AGBL1: variants seen among roughly 807,000 people sequenced by gnomAD.
AGBL1 encodes cytosolic carboxypeptidase 4.
A neutral mutation model predicts 118.9 loss-of-function variants in AGBL1; 130 were observed. That is an observed-to-expected ratio of 1.09 (90% CI 0.95 to 1.26). The LOEUF is 1.26. Ranked by LOEUF, AGBL1 falls within the 50% of genes most tolerant of loss-of-function variation. AGBL1 has a pLI of 0.00. For missense variants in AGBL1, 1,584 were observed against 1,298.1 expected (o/e 1.22, Z -3.38); for synonymous variants, 555 against 478.9 (o/e 1.16, Z -2.08).
At chr15:86,122,890 C>T (rs773493925) in intron 1 of AGBL1, among the ~76,000 whole-genome samples, 2 of 152,148 alleles carry the variant, frequency 1.3e-5, no homozygotes, top group African/African-American at 4.8e-5. Context: ...TAAAACAGAG[C>T]TCTTAAGACT....
chr15:86,858,811 T>A (rs1191078630), intron 22 of AGBL1, among the ~76,000 whole-genome samples: 1 of 152,116 alleles, frequency 6.6e-6, no homozygotes, highest in Non-Finnish European at 1.5e-5. Flanking sequence ...ATTAAGGTGG[T>A]CTAGATAGGT....
intron 17 of AGBL1, among the ~76,000 whole-genome samples, chr15:86,357,566 A>G (rs1196042890): frequency 6.6e-6 from 1 of 152,156 alleles, no homozygotes; most frequent in South Asian, 2.1e-4. Context: ...CCTTGTGGTT[A>G]GCAAAGTCTA....
intron 13 of AGBL1, among the ~76,000 whole-genome samples, chr15:86,267,734 C>G (rs893565511): frequency 1.3e-5 from 2 of 152,158 alleles, no homozygotes; most frequent in African/African-American, 2.4e-5. Flanking sequence ...GAAGAGACCG[C>G]GGTTCTCACT....
intron 1 of AGBL1, among the ~76,000 whole-genome samples, chr15:86,132,590 A>G (rs1469337709): frequency 6.6e-6 from 1 of 152,198 alleles, no homozygotes; most frequent in Non-Finnish European, 1.5e-5. Context: ...GACTTCATAG[A>G]CTTCCTAGAA....
Position 86,752,724 on chromosome 15 carries a change from C to G in AGBL1, c.3158+78288C>G, listed in dbSNP as rs546531560. On this transcript the variant is annotated intron_variant, in intron 22 of 22. Coordinates refer to ENST00000614907, the MANE Select transcript of AGBL1 (RefSeq NM_001386094.1). ...TCTCCCACCTCCAAAGAATAGATAC[C>G]TTTGAAGCCATATTCTGGGAGAAAA... Among the ~76,000 whole-genome samples, 6 of 152,144 alleles carry G rather than the reference C, an allele frequency of 3.9e-5. No homozygotes were observed. The South Asian group carries it at 1.0e-3, about 26-fold the overall frequency.
chr15:86,747,342 A>G (rs546844903), intron 22 of AGBL1, among the ~76,000 whole-genome samples: 23 of 152,264 alleles, frequency 1.5e-4, no homozygotes, highest in Non-Finnish European at 3.1e-4. Context: ...AAAGTAATAT[A>G]CAAACTTAGT....
chr15:86,604,934 T>A (rs2084552252), intron 21 of AGBL1, among the ~76,000 whole-genome samples: 1 of 151,924 alleles, frequency 6.6e-6, no homozygotes, highest in South Asian at 2.1e-4. Context: ...TAGCTGGGAT[T>A]ACAGGCATGC....
At chr15:86,832,391 G>A (rs1227673996) in intron 22 of AGBL1, among the ~76,000 whole-genome samples, 1 of 152,084 alleles carries the variant, frequency 6.6e-6, no homozygotes, top group African/African-American at 2.4e-5. Flanking sequence ...TTTAACATAA[G>A]TTCCAATTCC....
intron 17 of AGBL1, among the ~76,000 whole-genome samples, chr15:86,303,077 T>A (rs1481558643): frequency 6.6e-6 from 1 of 152,174 alleles, no homozygotes; most frequent in Non-Finnish European, 1.5e-5. Flanking sequence ...AGAGGAACTC[T>A]GAAGCATTTA....
In AGBL1 at chr15:86,829,882, C is replaced by G. The variant is rs190224453; in HGVS notation, c.3159-77205C>G. Among the ~76,000 whole-genome samples the G allele has an allele frequency of 1.4e-4, 21 of 152,222 alleles. No individual in the cohort carries two copies. The East Asian group carries it at 3.3e-3, about 24-fold the overall frequency. ...GCATTTGTTCAGTTCATTGCAGAAT[C>G]TTTAGCACCCTGGCCTAAGGATTAA... On this transcript the variant is annotated intron_variant, in intron 22 of 22. Coordinates refer to ENST00000614907, the MANE Select transcript of AGBL1 (RefSeq NM_001386094.1).
At chr15:86,184,422 CTTTTTTCTTTCTTTTT>C (rs2077596691) in intron 5 of AGBL1, among the ~76,000 whole-genome samples, 1 of 145,662 alleles carries the variant, frequency 6.9e-6, no homozygotes, top group South Asian at 2.2e-4. Context: ...TTCCTTATTT[CTTTTTTCTTTCTTTTT>C]TTTTTTTTTT....
At chr15:86,469,051 G>A (rs868676720) in intron 18 of AGBL1, among the ~76,000 whole-genome samples, 1 of 151,962 alleles carries the variant, frequency 6.6e-6, no homozygotes, top group African/African-American at 2.4e-5. Context: ...GCTAGTTAAT[G>A]TAGCCAACAC....
chr15:87,018,390 A>G (rs1377942500), intron 24 of AGBL1, among the ~76,000 whole-genome samples: 3 of 152,212 alleles, frequency 2.0e-5, no homozygotes, highest in African/African-American at 7.2e-5. Context: ...TACAAAGGGA[A>G]GCCCATCAGA....
intron 17 of AGBL1, among the ~76,000 whole-genome samples, chr15:86,340,196 G>C (rs983409239): frequency 6.6e-6 from 1 of 151,654 alleles, no homozygotes; most frequent in Admixed American, 6.6e-5. Context: ...ATTTTTTGAC[G>C]GAAACCTGTA....
Position 86,889,546 on chromosome 15 carries a change from C to G in AGBL1, c.3159-17541C>G, listed in dbSNP as rs922754563. Among the ~76,000 whole-genome samples, 136 of 152,252 alleles carry G rather than the reference C, an allele frequency of 8.9e-4. 1 individual carries two copies. Among genetic ancestry groups the G allele is most frequent in the African/African-American group, 3.1e-3 (128 of 41,560 alleles). On this transcript the variant is annotated intron_variant, in intron 22 of 22. Transcript: ENST00000614907. The stretch of plus-strand genomic sequence containing the variant: ...TTCTTCCTGATGCTCTCCCTTCCCC[C>G]ACCTGGCCCCCAACGGCAGGCCCCA...
intron 22 of AGBL1, among the ~76,000 whole-genome samples, chr15:86,821,628 T>C (rs1395897394): frequency 6.6e-6 from 1 of 152,186 alleles, no homozygotes; most frequent in East Asian, 1.9e-4. Flanking sequence ...GTAATGGCCA[T>C]AGATGTCAAT....
intron 1 of AGBL1, among the ~76,000 whole-genome samples, chr15:86,125,174 GA>G (rs1898341124): frequency 6.6e-6 from 1 of 152,126 alleles, no homozygotes; most frequent in Non-Finnish European, 1.5e-5. Context: ...CAAAACTTAA[GA>G]CAGAGTCAGA....
At chr15:86,632,274 T>TA (rs138490379) in intron 21 of AGBL1, among the ~76,000 whole-genome samples, 55,384 of 124,876 alleles carry the variant, frequency 0.44, 12,968 homozygotes, top group Middle Eastern at 0.59. Flanking sequence ...TCTTTCTCTT[T>TA]AAAAAAAAAA....
intron 22 of AGBL1, among the ~76,000 whole-genome samples, chr15:86,766,693 G>T (rs1019471646): frequency 6.6e-6 from 1 of 151,726 alleles, no homozygotes; most frequent in Non-Finnish European, 1.5e-5. Flanking sequence ...CTAAATGCTG[G>T]ATTATGGTTA....
Sources: allele counts gnomAD v4.1 joint callset (sites outside exome capture counted in the v4.1 genomes callset), GRCh38; gene constraint gnomAD v4.1.1; transcripts MANE v1.5; gene names NCBI Gene and HGNC (gene_info 2026-07-23, HGNC 2026-07-21).